Variants in CDH13 observed in about 807,000 individuals in gnomAD.
CDH13 encodes the protein cadherin-13.
CDH13 carries 24 observed loss-of-function variants against 63.8 expected under a neutral mutation model. That is an observed-to-expected ratio of 0.38 (90% CI 0.27 to 0.53). The LOEUF is 0.53. Among genes scored for constraint, CDH13 ranks in the 20% least tolerant of loss-of-function variants. The pLI is 0.85. For synonymous variants in CDH13, 503 were observed against 355.3 expected (o/e 1.42, Z -4.67); for missense variants, 1,049 against 903.1 (o/e 1.16, Z -2.07).
intron 13 of CDH13, among the ~76,000 whole-genome samples, chr16:83,789,726 C>G (rs1192092648): frequency 6.6e-6 from 1 of 152,170 alleles, no homozygotes; most frequent in Non-Finnish European, 1.5e-5. Context: ...AGGAAATCAG[C>G]TGGTAGAATC....
intron 5 of CDH13, among the ~76,000 whole-genome samples, chr16:83,245,504 A>G (rs1398001688): frequency 6.6e-6 from 1 of 152,216 alleles, no homozygotes; most frequent in East Asian, 1.9e-4. Flanking sequence ...TTGGAAAGTA[A>G]AACCCGAGAA....
intron 2 of CDH13, among the ~76,000 whole-genome samples, chr16:82,964,404 ACAG>A (rs1460678279): frequency 1.3e-5 from 2 of 152,218 alleles, no homozygotes; most frequent in Admixed American, 6.5e-5. Context: ...GGATTCTGTG[ACAG>A]CAGGTAGCCC....
chr16:83,580,856 G>T (rs144043727), intron 7 of CDH13, among the ~76,000 whole-genome samples: 2 of 152,208 alleles, frequency 1.3e-5, no homozygotes, highest in East Asian at 3.9e-4. Flanking sequence ...TTTCCATGCT[G>T]TTGGAGTTAA....
At chr16:82,843,095 T>A (rs1482053316) in intron 1 of CDH13, among the ~76,000 whole-genome samples, 1 of 152,206 alleles carries the variant, frequency 6.6e-6, no homozygotes, top group African/African-American at 2.4e-5. Flanking sequence ...TGGGCATCCT[T>A]GTATTAGATT....
At chr16:83,221,492 G>A (rs78077001) in intron 5 of CDH13, among the ~76,000 whole-genome samples, 432 of 152,274 alleles carry the variant, frequency 2.8e-3, no homozygotes, top group African/African-American at 0.01. Flanking sequence ...ATAAAGTACT[G>A]TAAATGATTC....
intron 4 of CDH13, among the ~76,000 whole-genome samples, 191 bp downstream of exon 4, chr16:83,125,692 C>G (rs1044018143): frequency 1.3e-5 from 2 of 152,048 alleles, no homozygotes; most frequent in African/African-American, 4.8e-5. Flanking sequence ...TGGAAAAAAC[C>G]AATAGCAGCT....
chr16:82,824,727 C>T (rs1192988135), intron 1 of CDH13: 1 of 152,098 alleles, frequency 6.6e-6, no homozygotes, highest in Non-Finnish European at 1.5e-5. Context: ...AAGAATTATA[C>T]ATGAACAGGA....
intron 3 of CDH13, among the ~76,000 whole-genome samples, chr16:83,116,320 T>G: frequency 6.6e-6 from 1 of 151,416 alleles, no homozygotes; most frequent in Non-Finnish European, 1.5e-5. Flanking sequence ...GTCAGGGGGA[T>G]GGGGCGGGGA....
At chr16:83,505,708 T>C (rs1182321574) in intron 7 of CDH13, among the ~76,000 whole-genome samples, 1 of 152,030 alleles carries the variant, frequency 6.6e-6, no homozygotes, top group Non-Finnish European at 1.5e-5. Context: ...CACGCCCGGC[T>C]AATTTTTTAT....
intron 1 of CDH13, among the ~76,000 whole-genome samples, chr16:82,645,802 C>T (rs1486362078): frequency 1.3e-5 from 2 of 152,196 alleles, no homozygotes; most frequent in African/African-American, 2.4e-5. Flanking sequence ...CGCACTTCAA[C>T]TCATTAATTT....
intron 7 of CDH13, among the ~76,000 whole-genome samples, chr16:83,503,405 T>C (rs769522779): frequency 2.0e-5 from 3 of 152,176 alleles, no homozygotes; most frequent in Non-Finnish European, 4.4e-5. Flanking sequence ...ACGCCACATC[T>C]ACCTGGGTGG....
chr16:83,731,159 T>C (rs1911003183), intron 10 of CDH13, among the ~76,000 whole-genome samples: 2 of 152,228 alleles, frequency 1.3e-5, no homozygotes, highest in Non-Finnish European at 2.9e-5. Context: ...AAACAATTTA[T>C]CTTCTTTTGG....
At chr16:83,491,377 A>G (rs979569792) in intron 7 of CDH13, among the ~76,000 whole-genome samples, 3 of 152,162 alleles carry the variant, frequency 2.0e-5, no homozygotes, top group Non-Finnish European at 4.4e-5. Flanking sequence ...CATTTCTGGC[A>G]TCTCTGTCTA....
intron 2 of CDH13, among the ~76,000 whole-genome samples, chr16:83,025,806 A>C (rs1455288357): frequency 6.6e-6 from 1 of 152,036 alleles, no homozygotes; most frequent in African/African-American, 2.4e-5. Context: ...AAATGTGGAG[A>C]CCTGGCACCT....
intron 6 of CDH13, among the ~76,000 whole-genome samples, chr16:83,366,756 G>T (rs2091265123): frequency 6.6e-6 from 1 of 152,080 alleles, no homozygotes; most frequent in Non-Finnish European, 1.5e-5. Flanking sequence ...TGTCTTCATT[G>T]CAGAATTGCT....
At chr16:83,587,944 C>T (rs544386090) in intron 7 of CDH13, among the ~76,000 whole-genome samples, 42 of 136,566 alleles carry the variant, frequency 3.1e-4, no homozygotes, top group Non-Finnish European at 6.3e-4. Flanking sequence ...TCTCTTATAC[C>T]TCTTTTTTTT....
At chr16:83,751,566 A>G (rs961728881) in intron 11 of CDH13, among the ~76,000 whole-genome samples, 9 of 152,212 alleles carry the variant, frequency 5.9e-5, no homozygotes, top group African/African-American at 2.2e-4. Context: ...GTAAGAGAAA[A>G]GAGAGGACCA....
At chr16:82,660,771 G>A (rs991064936) in intron 1 of CDH13, among the ~76,000 whole-genome samples, 1 of 152,142 alleles carries the variant, frequency 6.6e-6, no homozygotes, top group African/African-American at 2.4e-5. Context: ...TCAGCATGGC[G>A]GGTGGTTTTC....
chr16:83,519,413 T>G (rs1318151147), intron 7 of CDH13, among the ~76,000 whole-genome samples: 1 of 152,210 alleles, frequency 6.6e-6, no homozygotes, highest in Non-Finnish European at 1.5e-5. Context: ...AAGAAAGAAC[T>G]AATACTTCAA....
Sources: allele counts gnomAD v4.1 joint callset (sites outside exome capture counted in the v4.1 genomes callset), GRCh38; gene constraint gnomAD v4.1.1; transcripts MANE v1.5; gene names NCBI Gene and HGNC (gene_info 2026-07-23, HGNC 2026-07-21).